The following NRDE2 variants were observed in gnomAD, a reference collection of about 807,000 sequenced individuals.
The protein encoded by NRDE2 is nuclear exosome regulator NRDE2.
NRDE2 carries 76 observed loss-of-function variants against 124.2 expected under a neutral mutation model. The ratio of observed to expected loss-of-function variants is 0.61; its 90% CI spans 0.51 to 0.74. NRDE2 has a LOEUF of 0.74. Ranked by LOEUF, NRDE2 falls within the 30% of genes least tolerant of loss-of-function variation. The probability of loss-of-function intolerance (pLI) is 0.00; values close to 1 mark genes in which losing one functional copy is unlikely to be tolerated. For synonymous variants in NRDE2, 489 were observed against 528.1 expected, an observed-to-expected ratio of 0.93 and a Z score of 1.01; for missense variants, 1,314 against 1,417.3, an observed-to-expected ratio of 0.93 and a Z score of 1.17.
At position 90,278,218 on chromosome 14, in the gene NRDE2, G is replaced by A. The variant is rs754267113; in HGVS notation, c.*118C>T. ...GCTGGCAGCCCACATTATTACTATC[G>A]AGAAAGAACATTTCAAAAGCCGAGT... On this transcript the variant is annotated 3_prime_UTR_variant, in exon 14 of 14. Transcript: ENST00000354366. 1.0e-4 allele frequency: 125 copies of A among 1,249,152 alleles called. No homozygotes were observed. The highest frequency in any genetic ancestry group is 1.3e-4 in the Non-Finnish European group (119 of 885,546). The allele number at this position is 1,249,152 out of a possible 1,614,324, so 77.4% of individuals were successfully genotyped here.
At chr14:90,319,868 G>T (rs1476136371) in intron 1 of NRDE2, among the ~76,000 whole-genome samples, 1 of 152,160 alleles carries the variant, frequency 6.6e-6, no homozygotes, top group African/African-American at 2.4e-5. Flanking sequence ...GGGTGATATG[G>T]TAACTCATAT....
At position 90,312,502 on chromosome 14, in the gene NRDE2, A is replaced by G. The variant is rs768422397; in HGVS notation, c.449T>C (p.Val150Ala). ...CACAGCCTGAATGTCCTCAAGCCAA[A>G]CAAAGCGATGTCCAGTATCAGCTGC... is the stretch of plus-strand genomic sequence containing the variant. ...NAAADTGHRF[V>A]WLEDIQAVTG... Residue 150 changes from valine (V) to alanine (A), a missense_variant, in exon 4 of 14, where the codon GTT becomes GCT. Val to Ala is a moderately conservative substitution (Grantham distance 64). Transcript: ENST00000354366. 1.2e-6 allele frequency: 2 copies of G among 1,614,180 alleles called. No individual in the cohort carries two copies. Among genetic ancestry groups the G allele is most frequent in the Admixed American group, 1.7e-5 (1 of 60,026 alleles).
intron 7 of NRDE2, among the ~76,000 whole-genome samples, chr14:90,300,674 T>C (rs1884360785): frequency 6.7e-6 from 1 of 150,356 alleles, no homozygotes; most frequent in Non-Finnish European, 1.5e-5. Flanking sequence ...AAGGTATCTC[T>C]GTGTAATTTC....
chr14:90,269,360 T>C lies in NRDE2; in HGVS notation c.*8976A>G, dbSNP rs1433473319. 5.7e-6 allele frequency: 9 copies of C among 1,567,008 alleles called. No homozygotes were observed. The South Asian group carries it at 9.2e-5, about 16-fold the overall frequency. The stretch of plus-strand genomic sequence containing the variant: ...TAATTCCCCTTGAGCAGGCGATCAG[T>C]TGAGTCTTCATTCCTTCCCTTTTTT... On this transcript the variant is annotated 3_prime_UTR_variant, in exon 14 of 14. Coordinates refer to ENST00000354366, the MANE Select transcript of NRDE2 (RefSeq NM_017970.4).
chr14:90,275,461 A>G lies in NRDE2; in HGVS notation c.*2875T>C, dbSNP rs1891784100. ...CAGTATTGCCTTTTCCTCATTGGTAATAGCTGAGCGTTTTCCTCTAGAGGG... is the reference window on the plus strand; with the variant it reads ...CAGTATTGCCTTTTCCTCATTGGTAGTAGCTGAGCGTTTTCCTCTAGAGGG... On this transcript the variant is annotated 3_prime_UTR_variant, in exon 14 of 14. Transcript: ENST00000354366. The G allele has an allele frequency of 1.3e-5, 2 of 152,228 alleles. No homozygotes were observed. The highest frequency in any genetic ancestry group is 2.9e-5 in the Non-Finnish European group (2 of 68,038). The allele number at this position is 152,228 out of a possible 1,614,324, so 9.4% of individuals were successfully genotyped here.
At chr14:90,327,796 G>A (rs1386203651) in intron 1 of NRDE2, among the ~76,000 whole-genome samples, 10 of 152,272 alleles carry the variant, frequency 6.6e-5, no homozygotes, top group Middle Eastern at 6.8e-3. Flanking sequence ...TCAGGAGTTC[G>A]AGACTAGCCT....
chr14:90,331,809 A>T, intron 1 of NRDE2, 32 bp downstream of exon 1: 5 of 1,611,538 alleles, frequency 3.1e-6, no homozygotes, highest in Non-Finnish European at 4.2e-6. Context: ...TAAGCCCCCC[A>T]GGTGCCTTCT....
chr14:90,298,478 T>A, intron 7 of NRDE2, 98 bp from the exon 8 acceptor site: 1 of 1,213,024 alleles, frequency 8.2e-7, no homozygotes, highest in Non-Finnish European at 1.2e-6. Context: ...AAGCTTATGA[T>A]CCTTGAAATC....
chr14:90,288,087 C>T, intron 11 of NRDE2, 130 bp downstream of exon 11: 1 of 796,454 alleles, frequency 1.3e-6, no homozygotes, highest in Non-Finnish European at 2.0e-6. Context: ...CACCTACAGC[C>T]CCACGGCAGG....
In NRDE2 at chr14:90,293,016, C is replaced by T. The variant is rs1933743921; in HGVS notation, c.1667-144G>A. 7.2e-6 allele frequency: 5 copies of T among 697,508 alleles called. No homozygotes were observed. The Admixed American group carries it at 1.3e-4, about 18-fold the overall frequency. The allele number at this position is 697,508 out of a possible 1,614,324, so 43.2% of individuals were successfully genotyped here. Reference sequence around the variant, plus strand: ...GCCAGTCTCCCAGGATACTCAGTGGCATTTAGGAACTCTTTGTAATCAATC... The same window carrying T: ...GCCAGTCTCCCAGGATACTCAGTGGTATTTAGGAACTCTTTGTAATCAATC... On this transcript the variant is annotated intron_variant, in intron 8 of 13. Coordinates refer to ENST00000354366, the MANE Select transcript of NRDE2 (RefSeq NM_017970.4).
chr14:90,307,620 C>T (rs1003810252), intron 4 of NRDE2, among the ~76,000 whole-genome samples: 7 of 151,874 alleles, frequency 4.6e-5, no homozygotes, highest in African/African-American at 9.7e-5. Context: ...GCGATCCGCC[C>T]GCCTCAGCAC....
rs914521123 is a variant in NRDE2 at position 90,311,974 on chromosome 14, A to G, written c.557+420T>C. Among the ~76,000 whole-genome samples, 22 of 152,338 alleles carry G rather than the reference A, an allele frequency of 1.4e-4. 1 individual carries two copies. Among genetic ancestry groups the G allele is most frequent in the Admixed American group, 1.4e-3 (22 of 15,308 alleles). On this transcript the variant is annotated intron_variant, in intron 4 of 13. Coordinates refer to ENST00000354366, the MANE Select transcript of NRDE2 (RefSeq NM_017970.4). Reference sequence around the variant, plus strand: ...TGGTGTATGCCAGAAACATTTTGAAAAAGTCCTTACCACTAAATGTCATTT... The same window carrying G: ...TGGTGTATGCCAGAAACATTTTGAAGAAGTCCTTACCACTAAATGTCATTT...
chr14:90,271,030 C>CT lies in NRDE2; in HGVS notation c.*7305dup, dbSNP rs1231752805. ...GTCTCTGTTGGCAAGTAAAATCTAT[C>CT]TTCTTTTTTAAAAATTGAAAGATCT... On this transcript the variant is annotated 3_prime_UTR_variant, in exon 14 of 14. Transcript: ENST00000354366. 6.7e-6 allele frequency: 1 copy of CT among 148,870 alleles called. No individual in the cohort carries two copies. Among genetic ancestry groups the CT allele is most frequent in the Non-Finnish European group, 1.5e-5 (1 of 67,314 alleles). 9.2% of individuals were successfully genotyped at this position (148,870 alleles called of 1,614,324 possible). A position where few individuals can be genotyped will look rare whatever the true frequency, so the allele number is the denominator to read the frequency against.
At chr14:90,330,376 A>C (rs1331986632) in intron 1 of NRDE2, among the ~76,000 whole-genome samples, 2 of 152,098 alleles carry the variant, frequency 1.3e-5, no homozygotes, top group Non-Finnish European at 2.9e-5. Context: ...CATCCAGAAA[A>C]TATTTATTGA....
rs1486343486 is a variant in NRDE2, at chr14:90,274,498, A to C, written c.*3838T>G. 2.0e-5 allele frequency: 3 copies of C among 152,356 alleles called. No homozygotes were observed. Among genetic ancestry groups the C allele is most frequent in the Non-Finnish European group, 2.9e-5 (2 of 68,160 alleles). 9.4% of individuals were successfully genotyped at this position (152,356 alleles called of 1,614,324 possible). On this transcript the variant is annotated 3_prime_UTR_variant, in exon 14 of 14. Transcript: ENST00000354366. Reference sequence around the variant, plus strand: ...ACTGGGAGCACCTGGGAACAGTGACACCCCAACTGCAGTGAGCACCCCTAG... The same window carrying C: ...ACTGGGAGCACCTGGGAACAGTGACCCCCCAACTGCAGTGAGCACCCCTAG...
chr14:90,269,355 A>T lies in NRDE2; in HGVS notation c.*8981T>A, dbSNP rs1395011651. 6.5e-7 allele frequency: 1 copy of T among 1,545,502 alleles called. No homozygotes were observed. Among genetic ancestry groups the T allele is most frequent in the Non-Finnish European group, 8.8e-7 (1 of 1,141,678 alleles). ...TGCTGTAATTCCCCTTGAGCAGGCG[A>T]TCAGTTGAGTCTTCATTCCTTCCCT... On this transcript the variant is annotated 3_prime_UTR_variant, in exon 14 of 14. Transcript: ENST00000354366.
At position 90,328,556 on chromosome 14, in the gene NRDE2, G is replaced by T. The variant is rs546530105; in HGVS notation, c.64+3285C>A. On this transcript the variant is annotated intron_variant, in intron 1 of 13. Transcript: ENST00000354366. ...TGCTTCATATGGGATGAAACAGGTT[G>T]CAAACACATGAATCCACTGGTCAAT... 7.2e-5 allele frequency among the ~76,000 whole-genome samples: 11 copies of T among 152,260 alleles called. No homozygotes were observed. The East Asian group carries it at 2.1e-3, about 29-fold the overall frequency.
intron 1 of NRDE2, among the ~76,000 whole-genome samples, chr14:90,321,267 G>T (rs1006272352): frequency 4.6e-5 from 7 of 152,022 alleles, no homozygotes; most frequent in Non-Finnish European, 1.0e-4. Context: ...GGGTCTTGCT[G>T]TGTTGCCCAG....
Position 90,274,411 on chromosome 14 carries a change from G to C in NRDE2, c.*3925C>G, listed in dbSNP as rs1047803939. On this transcript the variant is annotated 3_prime_UTR_variant, in exon 14 of 14. Coordinates refer to ENST00000354366, the MANE Select transcript of NRDE2 (RefSeq NM_017970.4). Reference sequence around the variant, plus strand: ...CAGTCAGGCAGGTAAACAGGACAGTGGGAGCCAGGTTTCTCTGAGGAGTTA... The same window carrying C: ...CAGTCAGGCAGGTAAACAGGACAGTCGGAGCCAGGTTTCTCTGAGGAGTTA... 6.5e-6 allele frequency: 1 copy of C among 153,970 alleles called. No individual in the cohort carries two copies. The highest frequency in any genetic ancestry group is 1.9e-4 in the East Asian group (1 of 5,190). The allele number at this position is 153,970 out of a possible 1,614,324, so 9.5% of individuals were successfully genotyped here.
Sources: allele counts gnomAD v4.1 joint callset (sites outside exome capture counted in the v4.1 genomes callset), GRCh38; gene constraint gnomAD v4.1.1; transcripts MANE v1.5; gene names NCBI Gene and HGNC (gene_info 2026-07-23, HGNC 2026-07-21).